SMG1: variants seen among roughly 807,000 people sequenced by gnomAD.
SMG1 encodes the protein SMG1 nonsense mediated mRNA decay associated PI3K related kinase, also known as serine/threonine-protein kinase SMG1.
In SMG1, 22 loss-of-function variants were observed where a neutral mutation model predicts 419.9. That is an observed-to-expected ratio of 0.05 (90% confidence interval 0.04 to 0.07). The LOEUF (loss-of-function observed/expected upper bound fraction) is 0.07, where lower values mean the gene tolerates loss of function less well. SMG1 is among the 10% of genes least tolerant of loss of function. SMG1 has a pLI of 1.00. For synonymous variants in SMG1, 1,538 were observed against 1,553.5 expected (o/e 0.99, Z 0.23); for missense variants, 3,185 against 4,342.0 (o/e 0.73, Z 7.49).
rs1427828640 is a variant in SMG1 at position 18,885,133 on chromosome 16, A to G, written c.978T>C (p.His326=). Residue 326 remains histidine, a synonymous_variant, in exon 8 of 63, where the codon CAT becomes CAC. Transcript: ENST00000446231. The part of the protein sequence containing the change: ...RDTVDILVGW[H]IDHTQKPSLT... ...GCGAAGGTTTCTGAGTATGATCTAT[A>G]TGCCATCCAACTAATATATCAACTG... 7 of 1,129,364 alleles carry G rather than the reference A, an allele frequency of 6.2e-6. No individual in the cohort carries two copies. The East Asian group carries it at 1.7e-4, about 27-fold the overall frequency. The allele number at this position is 1,129,364 out of a possible 1,614,324, so 70.0% of individuals were successfully genotyped here.
At chr16:18,818,199 A>G (rs1215734550) in intron 56 of SMG1, among the ~76,000 whole-genome samples, 1 of 152,092 alleles carries the variant, frequency 6.6e-6, no homozygotes, top group African/African-American at 2.4e-5. Flanking sequence ...CCTGGCCAAC[A>G]TGGTGAAACC....
chr16:18,864,636 T>C (rs1326829486), intron 23 of SMG1, among the ~76,000 whole-genome samples: 4 of 152,008 alleles, frequency 2.6e-5, no homozygotes, highest in African/African-American at 4.8e-5. Context: ...GCTGGGACTA[T>C]AGGCGCCCAC....
At chr16:18,830,446 C>T (rs2033091489) in intron 51 of SMG1, 77 bp from the exon 52 acceptor site, 9 of 1,473,172 alleles carry the variant, frequency 6.1e-6, no homozygotes, top group Non-Finnish European at 7.5e-6. Flanking sequence ...GTCAGTACAT[C>T]TCACAGCTGC....
chr16:18,905,324 C>A (rs1018312086), intron 1 of SMG1, among the ~76,000 whole-genome samples: 2 of 152,110 alleles, frequency 1.3e-5, no homozygotes, highest in African/African-American at 4.8e-5. Context: ...AATCTAATAG[C>A]CTGGACTCTT....
intron 45 of SMG1, 30 bp downstream of exon 45, chr16:18,837,984 A>G (rs2033685402): frequency 6.2e-7 from 1 of 1,602,978 alleles, no homozygotes; most frequent in Non-Finnish European, 8.5e-7. Context: ...TAAAAAGAAG[A>G]CAATGACTTA....
Position 18,838,447 on chromosome 16 carries a change from A to T in SMG1, c.7104T>A (p.Pro2368=). ...GTGTCATTCGAAAAGGTACTTTCTC[A>T]GGAACTCTAAGGCTTTTACCTTGAA... ...CFEKGKSLRV[P]EKVPFRMTQN... The change falls in exon 44 of 63, where the codon CCT becomes CCA. Residue 2368 remains proline (P), a synonymous_variant. Transcript: ENST00000446231. 6.2e-7 allele frequency: 1 copy of T among 1,614,036 alleles called. No individual in the cohort carries two copies. The highest frequency in any genetic ancestry group is 2.2e-5 in the East Asian group (1 of 44,888).
In SMG1 at chr16:18,808,715, G is replaced by A. The variant is rs1487941149; in HGVS notation, c.*854C>T. The A allele has an allele frequency of 1.3e-5, 2 of 152,610 alleles. No individual in the cohort carries two copies. The highest frequency in any genetic ancestry group is 1.9e-4 in the East Asian group (1 of 5,208). 9.5% of individuals were successfully genotyped at this position (152,610 alleles called of 1,614,324 possible). On this transcript the variant is annotated 3_prime_UTR_variant, in exon 63 of 63. Transcript: ENST00000446231. ...GGAAACTGTACATGATAGAATCACA[G>A]AAATGACTTAAATAACCGGAATTAC...
chr16:18,815,007 C>T (rs761685378), intron 60 of SMG1, among the ~76,000 whole-genome samples, 168 bp downstream of exon 60: 1 of 151,532 alleles, frequency 6.6e-6, no homozygotes, highest in African/African-American at 2.4e-5. Context: ...TGTGAGCCAT[C>T]GTGCCTGGCT....
At chr16:18,837,827 C>T (rs2141270761) in intron 45 of SMG1, among the ~76,000 whole-genome samples, 187 bp downstream of exon 45, 1 of 152,130 alleles carries the variant, frequency 6.6e-6, no homozygotes, top group East Asian at 1.9e-4. Flanking sequence ...TGTAACTGTG[C>T]ATGTTTGTGT....
intron 51 of SMG1, 22 bp from the exon 52 acceptor site, chr16:18,830,391 T>TA (rs1173342694): frequency 1.2e-6 from 2 of 1,612,602 alleles, no homozygotes; most frequent in Admixed American, 3.3e-5. Flanking sequence ...CAAAAGGAGT[T>TA]AAAACCTTCG....
At chr16:18,855,807 T>C (rs932222144) in intron 29 of SMG1, among the ~76,000 whole-genome samples, 11 of 152,186 alleles carry the variant, frequency 7.2e-5, no homozygotes, top group South Asian at 2.1e-4. Flanking sequence ...CAACTTGCAA[T>C]TGAAGTGACA....
intron 30 of SMG1, among the ~76,000 whole-genome samples, chr16:18,854,082 C>T (rs1172948550): frequency 2.4e-5 from 2 of 84,010 alleles, no homozygotes; most frequent in South Asian, 4.1e-4. Flanking sequence ...AAATACTAAA[C>T]TTTTTTTTTT....
intron 6 of SMG1, among the ~76,000 whole-genome samples, chr16:18,886,001 T>G (rs983438333): frequency 6.6e-6 from 1 of 152,134 alleles, no homozygotes; most frequent in Non-Finnish European, 1.5e-5. Flanking sequence ...TTCACTCCAC[T>G]AAGATGTTAA....
At chr16:18,861,608 G>A (rs958506938) in intron 25 of SMG1, 6 of 152,154 alleles carry the variant, frequency 3.9e-5, no homozygotes, top group Non-Finnish European at 7.3e-5. Flanking sequence ...ACCTAGATCC[G>A]TGCAACCACT....
rs1391988458 is a variant in SMG1 at position 18,925,096 on chromosome 16, TAA to T, written c.92+852_92+853del. The T allele has an allele frequency of 1.3e-5, 2 of 152,350 alleles. 1 individual carries two copies. Among genetic ancestry groups the T allele is most frequent in the Admixed American group, 1.3e-4 (2 of 15,288 alleles). The allele number at this position is 152,350 out of a possible 1,614,324, so 9.4% of individuals were successfully genotyped here. On this transcript the variant is annotated intron_variant, in intron 1 of 62. Coordinates refer to ENST00000446231, the MANE Select transcript of SMG1 (RefSeq NM_015092.5). ...ACAGACTCTGAATACAAGCATTTATTAAGAGAGATTAGAATAAATCAGTCCTA... is the reference window on the plus strand; with the variant it reads ...ACAGACTCTGAATACAAGCATTTATTGAGAGATTAGAATAAATCAGTCCTA...
chr16:18,919,653 TATATACACACACACACACACACAC>T, intron 1 of SMG1, among the ~76,000 whole-genome samples: 2 of 77,080 alleles, frequency 2.6e-5, no homozygotes, highest in African/African-American at 1.2e-4. Flanking sequence ...TGTGTGTGTA[TATATACACACACACACACACACAC>T]ACACACACAC....
intron 1 of SMG1, among the ~76,000 whole-genome samples, chr16:18,922,260 T>C (rs2038226066): frequency 2.0e-5 from 3 of 152,180 alleles, no homozygotes; most frequent in South Asian, 2.1e-4. Context: ...ACTTTAGCTA[T>C]TGGCAATGAT....
At chr16:18,827,668 TATATATATTTGGTATAA>T (rs2032828381) in intron 55 of SMG1, among the ~76,000 whole-genome samples, 1 of 144,186 alleles carries the variant, frequency 6.9e-6, no homozygotes, top group African/African-American at 2.5e-5. Flanking sequence ...TATATATTTT[TATATATATTTGGTATAA>T]ATATATCTAA....
At chr16:18,858,993 T>C (rs1009310009) in intron 28 of SMG1, 29 bp downstream of exon 28, 4 of 1,383,526 alleles carry the variant, frequency 2.9e-6, no homozygotes, top group African/African-American at 1.5e-5. Flanking sequence ...TTAATAGTCA[T>C]AAGAGTGTGC....
Sources: gnomAD v4.1 joint callset for allele counts (sites outside exome capture counted in the v4.1 genomes callset) on GRCh38, gnomAD v4.1.1 for gene constraint, MANE v1.5 for transcripts, NCBI Gene and HGNC (gene_info 2026-07-23, HGNC 2026-07-21) for gene names.